PIK3C2B: variants seen among roughly 807,000 people sequenced by gnomAD.
The protein encoded by PIK3C2B is phosphatidylinositol-4-phosphate 3-kinase catalytic subunit type 2 beta.
Under a neutral mutation model 184.3 loss-of-function variants are expected in PIK3C2B, and 83 were observed. The ratio of observed to expected loss-of-function variants is 0.45; its 90% CI spans 0.38 to 0.54. The LOEUF (loss-of-function observed/expected upper bound fraction) is 0.54. Ranked by LOEUF, PIK3C2B falls within the 20% of genes least tolerant of loss-of-function variation. The pLI, the probability that PIK3C2B is intolerant of heterozygous loss-of-function variation, is 0.00. For missense variants in PIK3C2B, 1,736 were observed against 2,113.5 expected (o/e 0.82, Z 3.50); for synonymous variants, 779 against 837.6 (o/e 0.93, Z 1.21).
intron 1 of PIK3C2B, among the ~76,000 whole-genome samples, chr1:204,482,993 G>A (rs1037532836): frequency 2.6e-5 from 4 of 152,032 alleles, no homozygotes; most frequent in Admixed American, 1.3e-4. Flanking sequence ...TCACCTGCAC[G>A]TACAGCGTGG....
intron 8 of PIK3C2B, among the ~76,000 whole-genome samples, chr1:204,459,660 T>C (rs1655159699): frequency 6.6e-6 from 1 of 152,084 alleles, no homozygotes; most frequent in Non-Finnish European, 1.5e-5. Flanking sequence ...ACCTGCTTCT[T>C]CTATAGAGGA....
intron 1 of PIK3C2B, among the ~76,000 whole-genome samples, chr1:204,491,827 AGT>A (rs1373809487): frequency 1.3e-5 from 2 of 152,196 alleles, no homozygotes; most frequent in Non-Finnish European, 2.9e-5. Flanking sequence ...GACATCAGTG[AGT>A]GTTAGTGATT....
chr1:204,440,284 T>C lies in PIK3C2B; in HGVS notation c.3287A>G (p.Gln1096Arg). 1 of 1,608,444 alleles carries C rather than the reference T, an allele frequency of 6.2e-7. No homozygotes were observed. Among genetic ancestry groups the C allele is most frequent in the Non-Finnish European group, 8.5e-7 (1 of 1,177,160 alleles). Reference protein sequence around the residue: ...DDLRQDMLTLQMIRIMSKIWV... With the variant: ...DDLRQDMLTLRMIRIMSKIWV... ...GATCTTGCTCATGATGCGAATCATC[T>C]GCAGCGTTAGCATGTCCTGGCGAAG... Residue 1096 changes from glutamine (Q) to arginine (R), a missense_variant, in exon 22 of 33, where the codon CAG becomes CGG. Physicochemically the swap from Gln to Arg is conservative, Grantham distance 43. Around this residue, in one of 8 missense-constraint regions of PIK3C2B, gnomAD observed 289 missense variants for 380.4 expected, o/e 0.76. Coordinates refer to ENST00000684373, the MANE Select transcript of PIK3C2B (RefSeq NM_001377334.1).
chr1:204,428,806 A>C, intron 29 of PIK3C2B: 1 of 387,266 alleles, frequency 2.6e-6, no homozygotes, highest in Non-Finnish European at 5.2e-6. Flanking sequence ...AAAATACTTC[A>C]TAAAAAATAG....
At chr1:204,485,409 T>A (rs1247880297) in intron 1 of PIK3C2B, among the ~76,000 whole-genome samples, 1 of 151,396 alleles carries the variant, frequency 6.6e-6, no homozygotes, top group Non-Finnish European at 1.5e-5. Flanking sequence ...ACCTGAAAAA[T>A]TATTTTATTA....
intron 1 of PIK3C2B, among the ~76,000 whole-genome samples, chr1:204,483,739 G>A (rs1389931225): frequency 6.6e-6 from 1 of 152,196 alleles, no homozygotes; most frequent in Non-Finnish European, 1.5e-5. Flanking sequence ...AGTTTGCACA[G>A]GAAGGTCCCA....
At chr1:204,481,625 G>A (rs772031340) in intron 1 of PIK3C2B, among the ~76,000 whole-genome samples, 32 of 152,154 alleles carry the variant, frequency 2.1e-4, no homozygotes, top group Non-Finnish European at 1.6e-4. Flanking sequence ...AAGGAAAACA[G>A]GCCCTCTCAG....
intron 1 of PIK3C2B, among the ~76,000 whole-genome samples, chr1:204,487,902 A>C (rs1379160862): frequency 6.6e-6 from 1 of 152,146 alleles, no homozygotes; most frequent in Non-Finnish European, 1.5e-5. Flanking sequence ...GACCACACTC[A>C]ATTCAAGGTT....
In PIK3C2B at chr1:204,424,704, C is replaced by A. The variant is rs372997267; in HGVS notation, c.*148G>T. ...GCAGAGCATGTCTTACTCTCCCTGC[C>A]TCCTACCACAGAGGCCAGAATCACC... On this transcript the variant is annotated 3_prime_UTR_variant, in exon 33 of 33. Transcript: ENST00000684373. 1.2e-6 allele frequency: 1 copy of A among 813,808 alleles called. No homozygotes were observed. Among genetic ancestry groups the A allele is most frequent in the Non-Finnish European group, 2.2e-6 (1 of 461,042 alleles). The allele number at this position is 813,808 out of a possible 1,614,324, so 50.4% of individuals were successfully genotyped here. A position where few individuals can be genotyped will look rare whatever the true frequency, so the allele number is the denominator to read the frequency against.
chr1:204,454,222 C>A (rs1170208623), intron 12 of PIK3C2B, among the ~76,000 whole-genome samples: 8 of 149,786 alleles, frequency 5.3e-5, no homozygotes, highest in African/African-American at 2.0e-4. Flanking sequence ...GTGGCTCACG[C>A]CTGTAATCCC....
In PIK3C2B at chr1:204,469,523, T is replaced by C. The variant is rs1168473303; in HGVS notation, c.280A>G (p.Asn94Asp). ...GGCCCTTCCTGTGGGGAGAGTGAGT[T>C]GTAGTTAAGGGTAGGATCAGAGCCA... is the stretch of plus-strand genomic sequence containing the variant. Reference protein sequence around the residue: ...LSGSDPTLNYNSLSPQEGPPN... With the variant: ...LSGSDPTLNYDSLSPQEGPPN... The change falls in exon 2 of 33, where the codon AAC becomes GAC. Residue 94 changes from asparagine (N) to aspartate (D), a missense_variant. Physicochemically the swap from Asn to Asp is conservative, Grantham distance 23. Transcript: ENST00000684373. The C allele has an allele frequency of 6.2e-7, 1 of 1,604,672 alleles. No individual in the cohort carries two copies. Among genetic ancestry groups the C allele is most frequent in the Non-Finnish European group, 8.5e-7 (1 of 1,175,424 alleles).
chr1:204,484,400 TC>T (rs1373885637), intron 1 of PIK3C2B, among the ~76,000 whole-genome samples: 4 of 152,176 alleles, frequency 2.6e-5, no homozygotes, highest in Non-Finnish European at 5.9e-5. Flanking sequence ...ATGGTCTTTT[TC>T]CCATCCTGTT....
intron 2 of PIK3C2B, among the ~76,000 whole-genome samples, chr1:204,468,256 GGAGAGAGA>G (rs763118341): frequency 6.6e-6 from 1 of 151,232 alleles, no homozygotes; most frequent in Non-Finnish European, 1.5e-5. Flanking sequence ...AACAGAGCAG[GGAGAGAGA>G]GAGAGAGAAA....
intron 1 of PIK3C2B, among the ~76,000 whole-genome samples, chr1:204,484,890 G>C (rs1657463304): frequency 6.6e-6 from 1 of 152,100 alleles, no homozygotes; most frequent in Admixed American, 6.6e-5. Flanking sequence ...ACACCCCACA[G>C]TTTGGTAGAC....
chr1:204,445,050 C>A (rs1653731683), intron 16 of PIK3C2B, among the ~76,000 whole-genome samples: 1 of 151,888 alleles, frequency 6.6e-6, no homozygotes, highest in African/African-American at 2.4e-5. Context: ...CCTTGGGTCC[C>A]AAGAGAACCC....
At chr1:204,431,417 A>T (rs1390960316) in intron 28 of PIK3C2B, 2 of 539,542 alleles carry the variant, frequency 3.7e-6, no homozygotes, top group African/African-American at 3.8e-5. Context: ...AAAATTAGAA[A>T]TTTTGAAACA....
chr1:204,480,824 T>C (rs7519417), intron 1 of PIK3C2B, among the ~76,000 whole-genome samples: 95,311 of 151,890 alleles, frequency 0.63, 31,730 homozygotes, highest in Non-Finnish European at 0.72. Context: ...TGCTTCTTTC[T>C]TCCCTTGGGA....
chr1:204,460,765 T>A, intron 5 of PIK3C2B, 104 bp from the exon 6 acceptor site: 2 of 750,312 alleles, frequency 2.7e-6, no homozygotes, highest in South Asian at 3.1e-5. Flanking sequence ...AAGGTTTAGG[T>A]AAGGGGGTAG....
chr1:204,484,499 C>T (rs1472698312), intron 1 of PIK3C2B, among the ~76,000 whole-genome samples: 1 of 152,086 alleles, frequency 6.6e-6, no homozygotes, highest in African/African-American at 2.4e-5. Flanking sequence ...CTTTGGGAGG[C>T]CAAGGTGGGC....
Sources: gnomAD v4.1 joint callset for allele counts (sites outside exome capture counted in the v4.1 genomes callset) on GRCh38, gnomAD v4.1.1 for gene constraint, gnomAD v4.1.1 regional missense constraint, MANE v1.5 for transcripts, NCBI Gene and HGNC (gene_info 2026-07-23, HGNC 2026-07-21) for gene names.